The following GKAP1 variants were observed in gnomAD, a reference collection of about 807,000 sequenced individuals.
GKAP1 encodes G kinase anchoring protein 1.
In GKAP1, 31 loss-of-function variants were observed where a neutral mutation model predicts 56.7. The observed-to-expected ratio is 0.55, with a 90% confidence interval of 0.41 to 0.74. The LOEUF is 0.74. Ranked by LOEUF, GKAP1 falls within the 30% of genes least tolerant of loss-of-function variation. The pLI, the probability that GKAP1 is intolerant of heterozygous loss-of-function variation, is 0.00. For missense variants in GKAP1, 364 were observed against 402.3 expected (o/e 0.90, Z 0.82); for synonymous variants, 151 against 138.6 (o/e 1.09, Z -0.63).
intron 8 of GKAP1, among the ~76,000 whole-genome samples, chr9:83,753,834 A>C (rs1362434986): frequency 6.6e-6 from 1 of 152,208 alleles, no homozygotes; most frequent in Admixed American, 6.5e-5. Flanking sequence ...AAAACTAGGA[A>C]GTGATCAGGA....
intron 2 of GKAP1, among the ~76,000 whole-genome samples, chr9:83,816,217 T>C (rs916358812): frequency 1.3e-5 from 2 of 151,660 alleles, no homozygotes; most frequent in Admixed American, 6.6e-5. Context: ...GGGTTCACAA[T>C]CAGCAAGTGT....
At chr9:83,775,363 G>A (rs573508463) in intron 7 of GKAP1, among the ~76,000 whole-genome samples, 84 of 152,126 alleles carry the variant, frequency 5.5e-4, no homozygotes, top group African/African-American at 1.9e-3. Flanking sequence ...TTTCTCCAAC[G>A]AGTCCTGGTT....
At chr9:83,792,954 T>G in intron 4 of GKAP1, 1 of 1,200,854 alleles carries the variant, frequency 8.3e-7, no homozygotes, top group Non-Finnish European at 1.1e-6. Flanking sequence ...TACTTACATG[T>G]GTCCAAGATG....
chr9:83,751,114 G>A (rs1052137634), intron 9 of GKAP1, among the ~76,000 whole-genome samples: 1 of 152,168 alleles, frequency 6.6e-6, no homozygotes, highest in South Asian at 2.1e-4. Flanking sequence ...GAATTAACAG[G>A]TGTGAGCCAC....
chr9:83,751,827 G>A (rs1943395195), intron 9 of GKAP1, among the ~76,000 whole-genome samples: 1 of 151,892 alleles, frequency 6.6e-6, no homozygotes, highest in African/African-American at 2.4e-5. Context: ...TACATCACAA[G>A]TGCTGGAAAG....
intron 2 of GKAP1, among the ~76,000 whole-genome samples, chr9:83,810,897 C>T (rs999445756): frequency 8.5e-5 from 13 of 152,194 alleles, no homozygotes; most frequent in Non-Finnish European, 1.8e-4. Context: ...CTGGTACAGC[C>T]TACTATCCAC....
chr9:83,774,701 CCTTTTTTT>C (rs1423672794), intron 7 of GKAP1, among the ~76,000 whole-genome samples: 2 of 100,972 alleles, frequency 2.0e-5, no homozygotes, highest in Non-Finnish European at 4.1e-5. Flanking sequence ...ACAGAAACCC[CCTTTTTTT>C]TTTTTTTTTT....
chr9:83,765,606 C>T (rs535870497), intron 8 of GKAP1, among the ~76,000 whole-genome samples: 76 of 152,300 alleles, frequency 5.0e-4, no homozygotes, highest in African/African-American at 1.8e-3. Context: ...GCAGAGTTGC[C>T]CAACACCATG....
intron 9 of GKAP1, among the ~76,000 whole-genome samples, chr9:83,751,541 A>G (rs1468236909): frequency 6.6e-6 from 1 of 152,206 alleles, no homozygotes; most frequent in Non-Finnish European, 1.5e-5. Context: ...AGTCAAAAAA[A>G]GTTTTAGTAG....
chr9:83,799,566 G>A (rs1944299344), intron 3 of GKAP1, among the ~76,000 whole-genome samples: 1 of 152,152 alleles, frequency 6.6e-6, no homozygotes, highest in South Asian at 2.1e-4. Context: ...AGTGAAAAAT[G>A]TATTATACTC....
At chr9:83,750,211 T>C (rs1281117449) in intron 9 of GKAP1, among the ~76,000 whole-genome samples, 1 of 152,152 alleles carries the variant, frequency 6.6e-6, no homozygotes, top group Non-Finnish European at 1.5e-5. Context: ...AAACTGCATA[T>C]ATAAAAATAT....
chr9:83,788,505 T>G, intron 5 of GKAP1, 96 bp downstream of exon 5: 1 of 672,298 alleles, frequency 1.5e-6, no homozygotes, highest in Middle Eastern at 3.8e-4. Context: ...TGGACAAACT[T>G]TTACAGAAAA....
Position 83,742,605 on chromosome 9 carries a change from CA to C in GKAP1, c.905-6del. 4 of 1,604,274 alleles carry C rather than the reference CA, an allele frequency of 2.5e-6. No homozygotes were observed. The highest frequency in any genetic ancestry group is 2.6e-6 in the Non-Finnish European group (3 of 1,175,066). On this transcript the variant is annotated splice_polypyrimidine_tract_variant and splice_region_variant and intron_variant, in intron 10 of 12. Coordinates refer to ENST00000376371, the MANE Select transcript of GKAP1 (RefSeq NM_025211.4). ...GTATTTCTGCCTTATCTTTCACTGA[CA>C]AAAAAGGAAAAACAGCAGTATAGAT...
At chr9:83,775,009 TTC>T (rs1307159819) in intron 7 of GKAP1, among the ~76,000 whole-genome samples, 1 of 100,836 alleles carries the variant, frequency 9.9e-6, no homozygotes, top group Non-Finnish European at 2.2e-5. Context: ...GCCCGGCCCC[TTC>T]TTTTTTTTTT....
intron 10 of GKAP1, among the ~76,000 whole-genome samples, chr9:83,743,115 A>G (rs1377609240): frequency 6.6e-6 from 1 of 152,178 alleles, no homozygotes; most frequent in African/African-American, 2.4e-5. Flanking sequence ...GTGAGCCAAG[A>G]TGGTGCCACT....
intron 8 of GKAP1, among the ~76,000 whole-genome samples, chr9:83,764,639 T>C (rs986339261): frequency 3.0e-4 from 45 of 152,006 alleles, no homozygotes; most frequent in Admixed American, 2.8e-3. Context: ...TGTGGGAAAA[T>C]CTGGAACTTC....
chr9:83,777,687 T>A (rs1943886576), intron 7 of GKAP1, among the ~76,000 whole-genome samples: 1 of 152,118 alleles, frequency 6.6e-6, no homozygotes, highest in Non-Finnish European at 1.5e-5. Flanking sequence ...GCCACAGATG[T>A]TAGGAACTTA....
chr9:83,810,446 T>A (rs899441165), intron 2 of GKAP1, among the ~76,000 whole-genome samples: 20 of 152,364 alleles, frequency 1.3e-4, no homozygotes, highest in Middle Eastern at 3.4e-3. Context: ...ACATTTAGTA[T>A]CTTTCCTATA....
chr9:83,752,419 AAAAC>A (rs1181336019), intron 9 of GKAP1, among the ~76,000 whole-genome samples: 32 of 152,084 alleles, frequency 2.1e-4, no homozygotes, highest in Admixed American at 4.6e-4. Flanking sequence ...CTGTCTCACA[AAAAC>A]AAACAAACAA....
Sources: gnomAD v4.1 joint callset for allele counts (sites outside exome capture counted in the v4.1 genomes callset) on GRCh38, gnomAD v4.1.1 for gene constraint, MANE v1.5 for transcripts, NCBI Gene and HGNC (gene_info 2026-07-23, HGNC 2026-07-21) for gene names.